The following RIMS1 variants were observed in gnomAD, a reference collection of about 807,000 sequenced individuals.
RIMS1 encodes regulating synaptic membrane exocytosis protein 1.
In RIMS1, 83 loss-of-function variants were observed where a neutral mutation model predicts 214.1. The ratio of observed to expected loss-of-function variants is 0.39; its 90% confidence interval spans 0.32 to 0.47. The LOEUF (loss-of-function observed/expected upper bound fraction) is 0.47, where lower values mean the gene tolerates loss of function less well. Ranked by LOEUF, RIMS1 falls within the 20% of genes least tolerant of loss-of-function variation. The pLI is 0.99. For missense variants in RIMS1, 2,050 were observed against 2,161.8 expected, an observed-to-expected ratio of 0.95 and a Z score of 1.03; for synonymous variants, 793 against 786.8, an observed-to-expected ratio of 1.01 and a Z score of -0.13.
chr6:71,985,964 TCTTTA>T (rs1799824780), intron 2 of RIMS1, among the ~76,000 whole-genome samples: 1 of 152,332 alleles, frequency 6.6e-6, no homozygotes, highest in African/African-American at 2.4e-5. Context: ...ACTTTGAATA[TCTTTA>T]CTTTAACATA....
chr6:72,197,005 C>T (rs2051108364), intron 6 of RIMS1, among the ~76,000 whole-genome samples: 1 of 152,044 alleles, frequency 6.6e-6, no homozygotes, highest in South Asian at 2.1e-4. Context: ...GCCTTGCACA[C>T]ACTAAAGGCC....
At chr6:72,058,434 T>C (rs919849872) in intron 2 of RIMS1, among the ~76,000 whole-genome samples, 1 of 152,226 alleles carries the variant, frequency 6.6e-6, no homozygotes, top group Non-Finnish European at 1.5e-5. Flanking sequence ...TACAAAATGG[T>C]CTACCCATCT....
chr6:72,032,685 C>T (rs139128853), intron 2 of RIMS1, among the ~76,000 whole-genome samples: 14 of 152,178 alleles, frequency 9.2e-5, no homozygotes, highest in African/African-American at 2.9e-4. Flanking sequence ...AAGCAGACCA[C>T]GGAAGAGTGG....
chr6:72,350,079 C>G (rs914422153), intron 29 of RIMS1, among the ~76,000 whole-genome samples: 1 of 152,010 alleles, frequency 6.6e-6, no homozygotes, highest in Non-Finnish European at 1.5e-5. Context: ...ATAATTCTGT[C>G]TTCTCATGGA....
chr6:72,105,332 T>C (rs1587060255), intron 4 of RIMS1, among the ~76,000 whole-genome samples: 1 of 152,164 alleles, frequency 6.6e-6, no homozygotes, highest in African/African-American at 2.4e-5. Flanking sequence ...ACTATCTCAT[T>C]CTTTTCAATA....
At chr6:71,936,460 C>A (rs1021698432) in intron 1 of RIMS1, among the ~76,000 whole-genome samples, 2 of 151,882 alleles carry the variant, frequency 1.3e-5, no homozygotes, top group Non-Finnish European at 2.9e-5. Flanking sequence ...CCTCCCTACA[C>A]CACCTAAAGC....
chr6:72,279,439 A>G (rs1388235783), intron 23 of RIMS1, among the ~76,000 whole-genome samples: 1 of 152,026 alleles, frequency 6.6e-6, no homozygotes, highest in African/African-American at 2.4e-5. Context: ...TCTTTAGTAC[A>G]TTGTGAACTA....
At chr6:72,126,645 A>T (rs531723511) in intron 4 of RIMS1, 1 of 255,560 alleles carries the variant, frequency 3.9e-6, no homozygotes, top group Non-Finnish European at 7.8e-6. Flanking sequence ...TCAAAAGAAG[A>T]TATACAAGTG....
intron 2 of RIMS1, among the ~76,000 whole-genome samples, chr6:72,062,992 T>C (rs1470068860): frequency 6.6e-6 from 1 of 152,158 alleles, no homozygotes; most frequent in Admixed American, 6.5e-5. Context: ...TTCCAAATAG[T>C]CACATTCAGA....
chr6:72,292,621 A>G (rs1354792513), intron 26 of RIMS1, among the ~76,000 whole-genome samples: 1 of 152,140 alleles, frequency 6.6e-6, no homozygotes, highest in African/African-American at 2.4e-5. Flanking sequence ...GAGAGAATGT[A>G]TACGGTCTGA....
At chr6:72,394,494 A>G (rs994705232) in intron 31 of RIMS1, among the ~76,000 whole-genome samples, 3 of 152,102 alleles carry the variant, frequency 2.0e-5, no homozygotes, top group Non-Finnish European at 4.4e-5. Context: ...TCAAAATTGA[A>G]GTCAATAATA....
intron 29 of RIMS1, among the ~76,000 whole-genome samples, chr6:72,353,121 A>T (rs2097520992): frequency 6.7e-6 from 1 of 148,536 alleles, no homozygotes; most frequent in African/African-American, 2.5e-5. Flanking sequence ...AGTAGCTGGG[A>T]TTACAGGCAC....
At chr6:72,236,875 T>A (rs1327514523) in intron 8 of RIMS1, among the ~76,000 whole-genome samples, 1 of 151,806 alleles carries the variant, frequency 6.6e-6, no homozygotes, top group African/African-American at 2.4e-5. Context: ...TGTGGCCCAC[T>A]GACAGCGGGT....
chr6:71,980,756 T>G (rs1177140501), intron 2 of RIMS1, among the ~76,000 whole-genome samples: 1 of 151,898 alleles, frequency 6.6e-6, no homozygotes, highest in African/African-American at 2.4e-5. Flanking sequence ...ATAGTAAGAA[T>G]AATGGCAATG....
chr6:72,205,988 A>G (rs2052835635), intron 6 of RIMS1, among the ~76,000 whole-genome samples: 1 of 152,176 alleles, frequency 6.6e-6, no homozygotes, highest in Admixed American at 6.5e-5. Context: ...AAATGATTAC[A>G]TATGTGCACA....
chr6:72,097,667 A>G (rs2032205657), intron 3 of RIMS1, among the ~76,000 whole-genome samples: 1 of 152,022 alleles, frequency 6.6e-6, no homozygotes, highest in Non-Finnish European at 1.5e-5. Context: ...AGCTTATCTC[A>G]TGGAAATTAT....
In RIMS1 at chr6:72,247,043, A is replaced by C. The variant is rs72939699; in HGVS notation, c.2129-972A>C. 9.6e-3 allele frequency among the ~76,000 whole-genome samples: 1,456 copies of C among 152,274 alleles called. 15 individuals are homozygous for C. Among genetic ancestry groups the C allele is most frequent in the Non-Finnish European group, 0.017 (1,151 of 68,008 alleles). Reference sequence around the variant, plus strand: ...AATGCTTCATAAACAGTATTTCTCAATGAAGCATTGGCTAAGTTTGAATGG... The same window carrying C: ...AATGCTTCATAAACAGTATTTCTCACTGAAGCATTGGCTAAGTTTGAATGG... On this transcript the variant is annotated intron_variant, in intron 11 of 33. Coordinates refer to ENST00000521978, the MANE Select transcript of RIMS1 (RefSeq NM_014989.7).
chr6:71,936,703 G>A (rs891818894), intron 1 of RIMS1, among the ~76,000 whole-genome samples: 2 of 152,176 alleles, frequency 1.3e-5, no homozygotes, highest in African/African-American at 4.8e-5. Context: ...TTAGAAGATT[G>A]TTTTTGGCTT....
intron 2 of RIMS1, among the ~76,000 whole-genome samples, chr6:72,006,220 C>G (rs1807557872): frequency 6.6e-6 from 1 of 152,150 alleles, no homozygotes; most frequent in South Asian, 2.1e-4. Context: ...TAATACCATC[C>G]TATTGGGGAT....
Sources: gnomAD v4.1 joint callset for allele counts (sites outside exome capture counted in the v4.1 genomes callset) on GRCh38, gnomAD v4.1.1 for gene constraint, MANE v1.5 for transcripts, NCBI Gene and HGNC (gene_info 2026-07-23, HGNC 2026-07-21) for gene names.